FAT3: variants seen among roughly 807,000 people sequenced by gnomAD.
FAT3 encodes protocadherin Fat 3.
In FAT3, 95 loss-of-function variants were observed where a neutral mutation model predicts 310.2. That is an observed-to-expected ratio of 0.31 (90% confidence interval 0.26 to 0.36). FAT3 has a LOEUF of 0.36. Among genes scored for constraint, FAT3 ranks in the 10% least tolerant of loss-of-function variants. The pLI, the probability that FAT3 is intolerant of heterozygous loss-of-function variation, is 1.00. For missense variants in FAT3, 5,408 were observed against 5,715.6 expected (o/e 0.95, Z 1.74); for synonymous variants, 2,314 against 2,192.9 (o/e 1.06, Z -1.54).
At chr11:92,366,573 A>T (rs896082978) in intron 2 of FAT3, 2 of 516,236 alleles carry the variant, frequency 3.9e-6, no homozygotes, top group South Asian at 2.9e-5. Context: ...CATGCGCCTG[A>T]TGGGCTTCAA....
At position 92,354,132 on chromosome 11, in the gene FAT3, G is replaced by T; in HGVS notation, c.2020G>T (p.Gly674Trp). The change falls in exon 2 of 28, where the codon GGG (glycine) becomes TGG (tryptophan). Residue 674 changes from glycine (G) to tryptophan (W), a missense_variant. Gly to Trp is a radical substitution (Grantham distance 184, BLOSUM62 -2). Coordinates refer to ENST00000525166, the MANE Select transcript of FAT3 (RefSeq NM_001367949.2). ...GTCTATTAACATTTCAGTCCTACAT[G>T]GGAAAGTGTCTTCAAAGAGCTTCAG... ...PMSINISVLH[G>W]KVSSKSFSCR... 1.2e-6 allele frequency: 2 copies of T among 1,613,794 alleles called. No individual in the cohort carries two copies. The highest frequency in any genetic ancestry group is 2.2e-5 in the East Asian group (1 of 44,872).
intron 3 of FAT3, among the ~76,000 whole-genome samples, chr11:92,585,036 T>A (rs535034225): frequency 6.6e-6 from 1 of 152,024 alleles, no homozygotes; most frequent in Admixed American, 6.6e-5. Flanking sequence ...TAAAAAAAAA[T>A]GTAACATCCT....
At chr11:92,247,232 C>T (rs1048265867) in intron 1 of FAT3, among the ~76,000 whole-genome samples, 1 of 151,866 alleles carries the variant, frequency 6.6e-6, no homozygotes, top group Non-Finnish European at 1.5e-5. Context: ...GGACCTTGAG[C>T]TCACACACAG....
At chr11:92,634,436 G>C (rs1941681172) in intron 3 of FAT3, among the ~76,000 whole-genome samples, 1 of 152,182 alleles carries the variant, frequency 6.6e-6, no homozygotes, top group Non-Finnish European at 1.5e-5. Context: ...TTTGTTCATA[G>C]TATCTCCTCC....
chr11:92,503,488 TA>T (rs1953008655), intron 2 of FAT3, among the ~76,000 whole-genome samples: 1 of 152,084 alleles, frequency 6.6e-6, no homozygotes, highest in Non-Finnish European at 1.5e-5. Context: ...ATTCCTATTT[TA>T]TAGGTAAGGA....
chr11:92,570,418 T>A (rs1337561134), intron 3 of FAT3, among the ~76,000 whole-genome samples: 1 of 152,178 alleles, frequency 6.6e-6, no homozygotes, highest in African/African-American at 2.4e-5. Flanking sequence ...TCATTAATGA[T>A]GTCACCTTGA....
chr11:92,292,654 T>G (rs929190324), intron 1 of FAT3, among the ~76,000 whole-genome samples: 7 of 152,044 alleles, frequency 4.6e-5, no homozygotes, highest in African/African-American at 1.7e-4. Context: ...GAATGACACT[T>G]CTATTTAAAA....
intron 2 of FAT3, among the ~76,000 whole-genome samples, chr11:92,368,503 T>C (rs1424316047): frequency 6.6e-6 from 1 of 152,188 alleles, no homozygotes; most frequent in Non-Finnish European, 1.5e-5. Flanking sequence ...ACAGTGCATT[T>C]TTAACTTGTA....
intron 20 of FAT3, among the ~76,000 whole-genome samples, chr11:92,857,920 G>T (rs1949023074): frequency 6.6e-6 from 1 of 152,150 alleles, no homozygotes; most frequent in Non-Finnish European, 1.5e-5. Context: ...TAATCTAAAT[G>T]ATCCTGTTTC....
At chr11:92,787,194 A>C (rs1168090519) in intron 7 of FAT3, among the ~76,000 whole-genome samples, 3 of 152,110 alleles carry the variant, frequency 2.0e-5, no homozygotes, top group Non-Finnish European at 4.4e-5. Flanking sequence ...GTAATGTTAA[A>C]TGAAACAGCA....
At chr11:92,720,057 C>T (rs966694034) in intron 4 of FAT3, among the ~76,000 whole-genome samples, 2 of 152,010 alleles carry the variant, frequency 1.3e-5, no homozygotes, top group Non-Finnish European at 2.9e-5. Flanking sequence ...ACCACAGGGG[C>T]AGGGGCTTGA....
At chr11:92,584,332 A>G (rs1201978625) in intron 3 of FAT3, among the ~76,000 whole-genome samples, 24 of 152,030 alleles carry the variant, frequency 1.6e-4, no homozygotes, top group Admixed American at 1.6e-3. Context: ...TCTATTCTTC[A>G]TATTTTTAAT....
intron 3 of FAT3, among the ~76,000 whole-genome samples, chr11:92,671,974 C>G (rs1428682457): frequency 6.6e-6 from 1 of 151,974 alleles, no homozygotes; most frequent in Admixed American, 6.6e-5. Flanking sequence ...TAATATTTAC[C>G]TGGGCGTGGT....
chr11:92,404,893 C>T (rs1483789892), intron 2 of FAT3, among the ~76,000 whole-genome samples: 1 of 151,974 alleles, frequency 6.6e-6, no homozygotes, highest in Non-Finnish European at 1.5e-5. Context: ...AACACAGATG[C>T]TCCCGGTTCT....
At chr11:92,442,429 C>T (rs909940434) in intron 2 of FAT3, among the ~76,000 whole-genome samples, 48 of 150,822 alleles carry the variant, frequency 3.2e-4, no homozygotes, top group Non-Finnish European at 5.3e-4. Context: ...TATATTTGAG[C>T]ATGGTATTCA....
chr11:92,452,286 A>C (rs1477882902), intron 2 of FAT3, among the ~76,000 whole-genome samples: 2 of 152,220 alleles, frequency 1.3e-5, no homozygotes, highest in Non-Finnish European at 2.9e-5. Flanking sequence ...GATGTCAAAA[A>C]GTATGCAAGT....
chr11:92,829,163 C>T (rs1302862643), intron 13 of FAT3, among the ~76,000 whole-genome samples: 1 of 152,194 alleles, frequency 6.6e-6, no homozygotes, highest in East Asian at 1.9e-4. Context: ...CTAAGGAAAA[C>T]AGGACTTTGC....
intron 19 of FAT3, among the ~76,000 whole-genome samples, chr11:92,855,848 A>G (rs1392495444): frequency 1.3e-5 from 2 of 152,152 alleles, no homozygotes. Context: ...GGGATTTATG[A>G]ATTCTGAGTT....
At chr11:92,291,715 C>A (rs1946701560) in intron 1 of FAT3, among the ~76,000 whole-genome samples, 1 of 152,130 alleles carries the variant, frequency 6.6e-6, no homozygotes, top group Non-Finnish European at 1.5e-5. Context: ...CAGAGCTAGA[C>A]TGGATTTTGG....
Sources: allele counts gnomAD v4.1 joint callset (sites outside exome capture counted in the v4.1 genomes callset), GRCh38; gene constraint gnomAD v4.1.1; transcripts MANE v1.5; gene names NCBI Gene and HGNC (gene_info 2026-07-23, HGNC 2026-07-21).